Variants in KCNH1 observed in about 807,000 individuals in gnomAD.
The protein encoded by KCNH1 is potassium voltage-gated channel subfamily H member 1, also known as voltage-gated delayed rectifier potassium channel KCNH1.
Under a neutral mutation model 69.2 loss-of-function variants are expected in KCNH1, and 27 were observed. That is an observed-to-expected ratio of 0.39 (90% CI 0.29 to 0.54). KCNH1 has a LOEUF of 0.54. Among genes scored for constraint, KCNH1 ranks in the 20% least tolerant of loss-of-function variants. The probability of loss-of-function intolerance (pLI) is 0.68; values close to 1 mark genes in which losing one functional copy is unlikely to be tolerated. For synonymous variants in KCNH1, 456 were observed against 487.7 expected, an observed-to-expected ratio of 0.93 and a Z score of 0.86; for missense variants, 798 against 1,261.6, an observed-to-expected ratio of 0.63 and a Z score of 5.57.
intron 9 of KCNH1, 119 bp downstream of exon 9, chr1:210,797,389 T>C: frequency 9.3e-7 from 1 of 1,072,332 alleles, no homozygotes; most frequent in Non-Finnish European, 1.4e-6. Flanking sequence ...TAAGTGAATA[T>C]TAGCAATTGG....
intron 3 of KCNH1, among the ~76,000 whole-genome samples, chr1:211,094,884 G>T (rs1244661016): frequency 6.6e-6 from 1 of 152,138 alleles, no homozygotes; most frequent in East Asian, 1.9e-4. Flanking sequence ...AAGAGCAAAG[G>T]ATTTTTATTT....
In KCNH1 at chr1:210,865,668, G is replaced by C. The variant is rs534414325; in HGVS notation, c.1462+53972C>G. On this transcript the variant is annotated intron_variant, in intron 7 of 10. Transcript: ENST00000271751. ...AAGACTTTGAAAAACAGTATCTCCA[G>C]ATAGAATGGAAGCTGGGCCACCTTG... Among the ~76,000 whole-genome samples the C allele has an allele frequency of 1.8e-4, 28 of 152,344 alleles. 1 individual carries two copies. In the South Asian group the frequency reaches 5.4e-3, roughly 29 times the overall value.
chr1:210,962,075 G>A (rs943208758), intron 6 of KCNH1, among the ~76,000 whole-genome samples: 32 of 152,098 alleles, frequency 2.1e-4, no homozygotes, highest in African/African-American at 7.7e-4. Flanking sequence ...GGGACCCTTT[G>A]CAGCTCTCTG....
chr1:210,927,542 A>G (rs1295639758), intron 6 of KCNH1, among the ~76,000 whole-genome samples: 1 of 152,240 alleles, frequency 6.6e-6, no homozygotes, highest in African/African-American at 2.4e-5. Flanking sequence ...AGCCATCACT[A>G]CAAGAACTGC....
chr1:210,866,076 GA>G (rs1005957743), intron 7 of KCNH1, among the ~76,000 whole-genome samples: 1 of 152,186 alleles, frequency 6.6e-6, no homozygotes, highest in Non-Finnish European at 1.5e-5. Flanking sequence ...GCAAGTGAAT[GA>G]AGTTGGACCC....
At chr1:211,112,379 G>A (rs1024581803) in intron 1 of KCNH1, among the ~76,000 whole-genome samples, 49 of 150,854 alleles carry the variant, frequency 3.2e-4, no homozygotes, top group African/African-American at 1.2e-3. Context: ...TGGGAAGCAA[G>A]GAGCTCCTCT....
At chr1:210,758,463 T>A (rs1037020589) in intron 10 of KCNH1, among the ~76,000 whole-genome samples, 1 of 152,192 alleles carries the variant, frequency 6.6e-6, no homozygotes, top group Admixed American at 6.5e-5. Context: ...CACTACTGGA[T>A]GCCCCAGCCT....
intron 7 of KCNH1, among the ~76,000 whole-genome samples, chr1:210,805,710 C>T (rs1388457054): frequency 6.6e-6 from 1 of 152,116 alleles, no homozygotes; most frequent in Non-Finnish European, 1.5e-5. Context: ...GAATATATTC[C>T]TCCGAAAATA....
intron 6 of KCNH1, among the ~76,000 whole-genome samples, chr1:211,005,914 T>C (rs1379110901): frequency 7.2e-5 from 11 of 152,096 alleles, no homozygotes; most frequent in Admixed American, 4.6e-4. Context: ...ATGTATTATG[T>C]GTAGAAAAGG....
At chr1:210,954,603 G>C (rs538453748) in intron 6 of KCNH1, among the ~76,000 whole-genome samples, 1 of 152,242 alleles carries the variant, frequency 6.6e-6, no homozygotes, top group African/African-American at 2.4e-5. Context: ...CATTCTAACT[G>C]GCATGAGATG....
intron 7 of KCNH1, among the ~76,000 whole-genome samples, chr1:210,822,656 T>C (rs1262392036): frequency 6.6e-6 from 1 of 152,140 alleles, no homozygotes; most frequent in Non-Finnish European, 1.5e-5. Flanking sequence ...ATGCTGCTGA[T>C]TCTGCATGCT....
chr1:211,032,624 T>C (rs1689810918), intron 5 of KCNH1, among the ~76,000 whole-genome samples: 1 of 152,184 alleles, frequency 6.6e-6, no homozygotes, highest in South Asian at 2.1e-4. Context: ...TACAACTATC[T>C]GATCTTTGAC....
intron 5 of KCNH1, among the ~76,000 whole-genome samples, chr1:211,021,044 T>G (rs1571584404): frequency 6.6e-6 from 1 of 152,140 alleles, no homozygotes; most frequent in Non-Finnish European, 1.5e-5. Context: ...CTAAGTGAAG[T>G]AACTCAGAAA....
chr1:210,793,463 C>T (rs558405054), intron 9 of KCNH1, among the ~76,000 whole-genome samples: 72 of 152,332 alleles, frequency 4.7e-4, no homozygotes, highest in African/African-American at 1.7e-3. Context: ...ATATACATTT[C>T]ATATGGCAGG....
chr1:211,047,454 C>G (rs1278206791), intron 5 of KCNH1, among the ~76,000 whole-genome samples: 1 of 152,182 alleles, frequency 6.6e-6, no homozygotes. Flanking sequence ...GACACGCTTA[C>G]AGAGAGGGCT....
chr1:210,877,286 G>T (rs573312395), intron 7 of KCNH1, among the ~76,000 whole-genome samples: 5 of 152,132 alleles, frequency 3.3e-5, no homozygotes, highest in Non-Finnish European at 7.4e-5. Flanking sequence ...AGACTGGGCT[G>T]CAGGAGTCTG....
chr1:211,066,918 C>T (rs1205709407), intron 5 of KCNH1, among the ~76,000 whole-genome samples: 1 of 152,180 alleles, frequency 6.6e-6, no homozygotes, highest in African/African-American at 2.4e-5. Context: ...TACCCACCCC[C>T]CAGGACATGC....
intron 6 of KCNH1, among the ~76,000 whole-genome samples, chr1:210,998,230 AG>A (rs1168666524): frequency 2.6e-5 from 4 of 152,240 alleles, no homozygotes; most frequent in Non-Finnish European, 5.9e-5. Context: ...TTGGACAAAG[AG>A]TCAAGACCTA....
At chr1:210,785,765 A>G (rs1684087879) in intron 9 of KCNH1, among the ~76,000 whole-genome samples, 1 of 152,152 alleles carries the variant, frequency 6.6e-6, no homozygotes, top group Non-Finnish European at 1.5e-5. Flanking sequence ...AGGGAGAACA[A>G]ACTCATGTGT....
Sources: allele counts gnomAD v4.1 joint callset (sites outside exome capture counted in the v4.1 genomes callset), GRCh38; gene constraint gnomAD v4.1.1; transcripts MANE v1.5; gene names NCBI Gene and HGNC (gene_info 2026-07-23, HGNC 2026-07-21).